Variants in ACTR3C observed in about 807,000 individuals in gnomAD.
The protein encoded by ACTR3C is actin-related protein 3C.
ACTR3C carries 18 observed loss-of-function variants against 26.3 expected under a neutral mutation model. The ratio of observed to expected loss-of-function variants is 0.68; its 90% CI spans 0.47 to 1.01. The LOEUF (loss-of-function observed/expected upper bound fraction) is 1.01. Ranked by LOEUF, ACTR3C falls within the 50% of genes least tolerant of loss-of-function variation. ACTR3C has a pLI of 0.00. For missense variants in ACTR3C, 184 were observed against 250.7 expected, an observed-to-expected ratio of 0.73 and a Z score of 1.80; for synonymous variants, 55 against 94.5, an observed-to-expected ratio of 0.58 and a Z score of 2.42.
chr7:149,946,773 C>T, the ACTR3C span, among the ~76,000 whole-genome samples: 2 of 152,186 alleles, frequency 1.3e-5, no homozygotes, highest in Admixed American at 6.5e-5. Flanking sequence ...TCTAAACCTC[C>T]CCGTGAAGGT....
the ACTR3C span, among the ~76,000 whole-genome samples, chr7:150,117,258 C>A: frequency 1.3e-5 from 2 of 152,216 alleles, no homozygotes; most frequent in Non-Finnish European, 2.9e-5. Flanking sequence ...GGAAAGGAGG[C>A]TGAGGCCAGG....
the ACTR3C span, among the ~76,000 whole-genome samples, chr7:150,202,865 G>A: frequency 1.3e-5 from 2 of 152,280 alleles, no homozygotes; most frequent in Non-Finnish European, 2.9e-5. Context: ...GCTGACAATG[G>A]GAACCTCATT....
chr7:150,196,947 C>G, the ACTR3C span, among the ~76,000 whole-genome samples: 1 of 152,216 alleles, frequency 6.6e-6, no homozygotes, highest in African/African-American at 2.4e-5. Context: ...GGTTCTGAGC[C>G]TAGAATATAT....
chr7:150,171,929 A>G, the ACTR3C span, among the ~76,000 whole-genome samples: 1 of 150,694 alleles, frequency 6.6e-6, no homozygotes, highest in Non-Finnish European at 1.5e-5. Context: ...CCCCTGCCTC[A>G]GCCTTCTGAG....
chr7:150,311,073 G>T (rs967056424), intron 1 of ACTR3C, among the ~76,000 whole-genome samples: 3 of 152,026 alleles, frequency 2.0e-5, no homozygotes, highest in Non-Finnish European at 4.4e-5. Flanking sequence ...GCAACTCTGG[G>T]TACCAAACTT....
chr7:150,290,216 A>G (rs1325189145), intron 3 of ACTR3C, among the ~76,000 whole-genome samples: 1 of 152,086 alleles, frequency 6.6e-6, no homozygotes, highest in Admixed American at 6.5e-5. Context: ...GGAGCCTCTC[A>G]TTCCACTGCC....
the ACTR3C span, among the ~76,000 whole-genome samples, chr7:150,220,052 C>T: frequency 6.8e-6 from 1 of 147,072 alleles, no homozygotes; most frequent in Non-Finnish European, 1.5e-5. Flanking sequence ...GTCTACAAAA[C>T]AGCATACGTT....
chr7:149,952,452 T>TTTC, the ACTR3C span, among the ~76,000 whole-genome samples: 2 of 147,524 alleles, frequency 1.4e-5, no homozygotes, highest in South Asian at 4.2e-4. Flanking sequence ...AAAATTATAA[T>TTTC]TGAAAAGATT....
the ACTR3C span, among the ~76,000 whole-genome samples, chr7:150,032,815 C>A: frequency 6.6e-6 from 1 of 151,704 alleles, no homozygotes; most frequent in Admixed American, 6.6e-5. Flanking sequence ...CTCTGTAGGT[C>A]GTCGTGGAAT....
the ACTR3C span, among the ~76,000 whole-genome samples, chr7:150,199,125 AC>A: frequency 6.7e-6 from 1 of 150,352 alleles, no homozygotes; most frequent in African/African-American, 2.5e-5. Flanking sequence ...CTCATTGAGA[AC>A]GGGCCAGGAT....
chr7:149,991,688 C>T, the ACTR3C span, among the ~76,000 whole-genome samples: 1 of 152,248 alleles, frequency 6.6e-6, no homozygotes, highest in African/African-American at 2.4e-5. Context: ...TCTTAGATTA[C>T]GTGTCAGAGG....
chr7:150,013,102 C>CA, the ACTR3C span, among the ~76,000 whole-genome samples: 1,612 of 141,126 alleles, frequency 0.011, 3 homozygotes, highest in African/African-American at 0.04. Flanking sequence ...CTGAAACCAG[C>CA]ATCCCTCTTC....
chr7:150,230,078 A>G, the ACTR3C span, among the ~76,000 whole-genome samples: 1 of 150,848 alleles, frequency 6.6e-6, no homozygotes, highest in African/African-American at 2.5e-5. Flanking sequence ...TACAAAAATA[A>G]GCCAGGAGTG....
chr7:150,123,938 G>A, the ACTR3C span, among the ~76,000 whole-genome samples: 1 of 152,190 alleles, frequency 6.6e-6, no homozygotes, highest in East Asian at 1.9e-4. Flanking sequence ...AGCATGAGGT[G>A]TGAGGGAGGG....
At chr7:150,028,628 C>T in the ACTR3C span, among the ~76,000 whole-genome samples, 1 of 152,270 alleles carries the variant, frequency 6.6e-6, no homozygotes, top group Non-Finnish European at 1.5e-5. Flanking sequence ...CTTTATCCCC[C>T]CACCTGACAC....
the ACTR3C span, among the ~76,000 whole-genome samples, chr7:149,980,100 A>G: frequency 6.6e-6 from 1 of 152,226 alleles, no homozygotes; most frequent in East Asian, 1.9e-4. Flanking sequence ...ATCTGATTAA[A>G]CAAACATTTG....
At chr7:150,131,900 C>T in the ACTR3C span, among the ~76,000 whole-genome samples, 3 of 152,212 alleles carry the variant, frequency 2.0e-5, no homozygotes, top group South Asian at 2.1e-4. Context: ...TACTGACATG[C>T]TACTACATGA....
chr7:150,108,422 G>T, the ACTR3C span, among the ~76,000 whole-genome samples: 1 of 151,866 alleles, frequency 6.6e-6, no homozygotes, highest in Non-Finnish European at 1.5e-5. Flanking sequence ...CATTTAAGTG[G>T]GATTTAAAAG....
At chr7:149,991,463 C>G in the ACTR3C span, among the ~76,000 whole-genome samples, 1 of 152,236 alleles carries the variant, frequency 6.6e-6, no homozygotes, top group Non-Finnish European at 1.5e-5. Context: ...TCTGGTCACA[C>G]AGAATCAGAC....
Sources: allele counts gnomAD v4.1 joint callset (sites outside exome capture counted in the v4.1 genomes callset), GRCh38; gene constraint gnomAD v4.1.1; transcripts MANE v1.5; gene names NCBI Gene and HGNC (gene_info 2026-07-23, HGNC 2026-07-21).